Variants in ARL15 observed in about 807,000 individuals in gnomAD.
ARL15 encodes the protein ADP-ribosylation factor-like protein 15.
Under a neutral mutation model 25.2 loss-of-function variants are expected in ARL15, and 19 were observed. The ratio of observed to expected loss-of-function variants is 0.75; its 90% confidence interval spans 0.53 to 1.10. ARL15 has a LOEUF of 1.10. Ranked by LOEUF, ARL15 falls within the 50% of genes least tolerant of loss-of-function variation. ARL15 has a pLI of 0.00. For synonymous variants in ARL15, 94 were observed against 86.8 expected (o/e 1.08, Z -0.46); for missense variants, 220 against 246.0 (o/e 0.89, Z 0.71).
intron 4 of ARL15, among the ~76,000 whole-genome samples, chr5:54,040,408 A>AG (rs1750301910): frequency 6.6e-6 from 1 of 152,202 alleles, no homozygotes; most frequent in Non-Finnish European, 1.5e-5. Context: ...CAGGATCTTG[A>AG]AAATACAACC....
At position 54,000,155 on chromosome 5, in the gene ARL15, G is replaced by GT. The variant is rs539551750; in HGVS notation, c.462+113046dup. ...AAGAACACTCTTTTCTTTTCCTCTA[G>GT]TTTTTTTAAGTTTGGAGGAGGCTCC... On this transcript the variant is annotated intron_variant, in intron 4 of 4. Transcript: ENST00000504924. 1.9e-3 allele frequency among the ~76,000 whole-genome samples: 282 copies of GT among 152,176 alleles called. 1 individual carries two copies. The highest frequency in any genetic ancestry group is 6.6e-3 in the African/African-American group (273 of 41,532).
intron 1 of ARL15, among the ~76,000 whole-genome samples, chr5:54,217,617 T>C (rs1756246290): frequency 6.6e-6 from 1 of 152,188 alleles, no homozygotes; most frequent in Non-Finnish European, 1.5e-5. Flanking sequence ...GTATTCCATT[T>C]GCAAGGCATA....
chr5:54,295,271 T>C lies in ARL15; in HGVS notation c.48+15161A>G, dbSNP rs1052973350. ...TAAAACAGGAAGAACTCAGAAGACA[T>C]GAAATGGAAAATAGTCACCTATGGG... On this transcript the variant is annotated intron_variant, in intron 1 of 4. Coordinates refer to ENST00000504924, the MANE Select transcript of ARL15 (RefSeq NM_019087.3). Among the ~76,000 whole-genome samples, 13 of 152,138 alleles carry C rather than the reference T, an allele frequency of 8.5e-5. No homozygotes were observed. The East Asian group carries it at 2.5e-3, about 29-fold the overall frequency.
intron 4 of ARL15, among the ~76,000 whole-genome samples, chr5:53,944,351 C>T (rs558918824): frequency 3.3e-5 from 5 of 152,252 alleles, no homozygotes; most frequent in East Asian, 1.9e-4. Flanking sequence ...TTGTTCGCAC[C>T]TGTAATCCCA....
intron 2 of ARL15, among the ~76,000 whole-genome samples, chr5:54,165,806 T>C (rs1754548235): frequency 6.6e-6 from 1 of 151,872 alleles, no homozygotes; most frequent in African/African-American, 2.4e-5. Context: ...TTACAGTTGC[T>C]ATAAACCCAA....
intron 4 of ARL15, among the ~76,000 whole-genome samples, chr5:54,006,473 T>G (rs1749049723): frequency 6.6e-6 from 1 of 150,608 alleles, no homozygotes; most frequent in South Asian, 2.1e-4. Flanking sequence ...AACAATTGAT[T>G]TTTTTTTTTA....
intron 4 of ARL15, among the ~76,000 whole-genome samples, chr5:53,893,057 T>C (rs1383771130): frequency 6.6e-6 from 1 of 152,146 alleles, no homozygotes; most frequent in Non-Finnish European, 1.5e-5. Flanking sequence ...CTAGCACCTT[T>C]CTTTAATCAC....
intron 4 of ARL15, among the ~76,000 whole-genome samples, chr5:53,971,385 C>T (rs1047795138): frequency 1.3e-5 from 2 of 152,004 alleles, no homozygotes; most frequent in Non-Finnish European, 2.9e-5. Flanking sequence ...AGAAAACTTG[C>T]CAAGAACTTT....
At chr5:54,007,210 T>C (rs1251351258) in intron 4 of ARL15, among the ~76,000 whole-genome samples, 2 of 80,030 alleles carry the variant, frequency 2.5e-5, no homozygotes, top group Non-Finnish European at 2.6e-5. Flanking sequence ...GGTCTGTGGC[T>C]TTCTAAAGCA....
At chr5:54,115,666 G>T (rs1049648513) in intron 3 of ARL15, among the ~76,000 whole-genome samples, 2 of 152,022 alleles carry the variant, frequency 1.3e-5, no homozygotes, top group Non-Finnish European at 2.9e-5. Flanking sequence ...AAATAACTAG[G>T]TATATATTTA....
rs1227116536 is a variant in ARL15, at chr5:54,282,146, G to A, written c.48+28286C>T. On this transcript the variant is annotated intron_variant, in intron 1 of 4. Coordinates refer to ENST00000504924, the MANE Select transcript of ARL15 (RefSeq NM_019087.3). Reference sequence around the variant, plus strand: ...TTCAGCTTTATTGCTTTCTAAAGTGGTTGTATATATTTATACCCCCATCAG... The same window carrying A: ...TTCAGCTTTATTGCTTTCTAAAGTGATTGTATATATTTATACCCCCATCAG... The A allele has an allele frequency of 7.1e-6, 4 of 565,832 alleles. No individual in the cohort carries two copies. In the South Asian group the frequency reaches 2.3e-4, roughly 33 times the overall value. The allele number at this position is 565,832 out of a possible 1,614,324, so 35.1% of individuals were successfully genotyped here.
intron 4 of ARL15, among the ~76,000 whole-genome samples, chr5:53,950,146 G>T (rs980399850): frequency 6.6e-6 from 1 of 152,024 alleles, no homozygotes; most frequent in African/African-American, 2.4e-5. Flanking sequence ...TTAAAGTGGC[G>T]GCCTGGGCAT....
rs60458728 is a variant in ARL15 at position 53,963,805 on chromosome 5, TCACACACACACACACACA to T, written c.463-77110_463-77093del. 5.0e-3 allele frequency among the ~76,000 whole-genome samples: 714 copies of T among 143,246 alleles called. 5 individuals are homozygous for T. Among genetic ancestry groups the T allele is most frequent in the African/African-American group, 0.018 (678 of 37,832 alleles). The allele number at this position is 143,246 out of a possible 152,430, so 94.0% of individuals were successfully genotyped here. ...CCTGGGAGACAAGAGTGAAACTCCA[TCACACACACACACACACA>T]CACACACACACACACACACACACAC... On this transcript the variant is annotated intron_variant, in intron 4 of 4. Transcript: ENST00000504924.
At chr5:54,154,286 T>A (rs542122258) in intron 3 of ARL15, 3 of 249,596 alleles carry the variant, frequency 1.2e-5, no homozygotes, top group Non-Finnish European at 2.2e-5. Flanking sequence ...TCTCTTCATA[T>A]GTTTTATTCA....
intron 4 of ARL15, among the ~76,000 whole-genome samples, chr5:54,076,886 C>T (rs958292001): frequency 1.5e-4 from 23 of 152,054 alleles, no homozygotes; most frequent in Admixed American, 3.9e-4. Context: ...ATCAAGAGGC[C>T]TCCAACCACT....
chr5:54,060,215 A>T (rs1751021801), intron 4 of ARL15, among the ~76,000 whole-genome samples: 1 of 151,158 alleles, frequency 6.6e-6, no homozygotes, highest in Non-Finnish European at 1.5e-5. Flanking sequence ...TGGGTGGATC[A>T]TGAGGTCAGG....
At chr5:54,161,000 ACT>A (rs1579860452) in intron 2 of ARL15, among the ~76,000 whole-genome samples, 1 of 152,096 alleles carries the variant, frequency 6.6e-6, no homozygotes, top group South Asian at 2.1e-4. Flanking sequence ...AATAAAGTAC[ACT>A]GTTATTCTTA....
At chr5:54,026,769 C>T (rs73754417) in intron 4 of ARL15, among the ~76,000 whole-genome samples, 2 of 152,142 alleles carry the variant, frequency 1.3e-5, no homozygotes, top group Admixed American at 6.5e-5. Context: ...AACACCTGTT[C>T]CTGAAGAACA....
chr5:53,968,977 G>A (rs752493817), intron 4 of ARL15, among the ~76,000 whole-genome samples: 52 of 151,572 alleles, frequency 3.4e-4, no homozygotes, highest in Non-Finnish European at 6.8e-4. Flanking sequence ...GTGAAACCCC[G>A]TCTCTACTAA....
Sources: allele counts gnomAD v4.1 joint callset (sites outside exome capture counted in the v4.1 genomes callset), GRCh38; gene constraint gnomAD v4.1.1; transcripts MANE v1.5; gene names NCBI Gene and HGNC (gene_info 2026-07-23, HGNC 2026-07-21).